ZRANB1: variants seen among roughly 807,000 people sequenced by gnomAD.
ZRANB1 encodes the protein ubiquitin thioesterase ZRANB1.
ZRANB1 carries 16 observed loss-of-function variants against 80.5 expected under a neutral mutation model. The observed-to-expected ratio is 0.20, with a 90% CI of 0.13 to 0.30. ZRANB1 has a LOEUF of 0.30. Among genes scored for constraint, ZRANB1 ranks in the 10% least tolerant of loss-of-function variants. ZRANB1 has a pLI of 1.00. For synonymous variants in ZRANB1, 291 were observed against 293.1 expected, an observed-to-expected ratio of 0.99 and a Z score of 0.07; for missense variants, 576 against 862.6, an observed-to-expected ratio of 0.67 and a Z score of 4.16.
chr10:124,955,924 G>A (rs944591633), intron 1 of ZRANB1, among the ~76,000 whole-genome samples: 1 of 152,118 alleles, frequency 6.6e-6, no homozygotes, highest in Non-Finnish European at 1.5e-5. Flanking sequence ...CCTGACACCT[G>A]TGATAAAAAG....
chr10:124,952,391 C>T (rs573072431), intron 1 of ZRANB1, among the ~76,000 whole-genome samples: 2 of 152,210 alleles, frequency 1.3e-5, no homozygotes, highest in East Asian at 1.9e-4. Flanking sequence ...GCAAGGAATG[C>T]CAGCAGCCTC....
At chr10:124,923,999 C>A in the ZRANB1 span, among the ~76,000 whole-genome samples, 1 of 149,944 alleles carries the variant, frequency 6.7e-6, no homozygotes, top group Admixed American at 6.6e-5. Context: ...AACTGTCCCT[C>A]TCACTCCTGA....
chr10:124,950,290 A>G (rs537796834), intron 1 of ZRANB1, among the ~76,000 whole-genome samples: 152 of 151,548 alleles, frequency 1.0e-3, no homozygotes, highest in Non-Finnish European at 1.9e-3. Context: ...ACGCCTGGCT[A>G]ATTTTGCATT....
intron 1 of ZRANB1, among the ~76,000 whole-genome samples, chr10:124,963,916 T>C (rs1487549414): frequency 6.6e-6 from 1 of 152,238 alleles, no homozygotes; most frequent in Non-Finnish European, 1.5e-5. Context: ...CTTTTAGATA[T>C]TATTTTTTAC....
At chr10:124,941,772 T>C (rs1951538176), upstream of ZRANB1, among the ~76,000 whole-genome samples, 1 of 152,226 alleles carries the variant, frequency 6.6e-6, no homozygotes, top group South Asian at 2.1e-4. Context: ...ACAGATTTAA[T>C]TTTCCCCAGT....
chr10:124,976,838 C>T (rs1951880622), intron 5 of ZRANB1, among the ~76,000 whole-genome samples: 1 of 151,796 alleles, frequency 6.6e-6, no homozygotes, highest in African/African-American at 2.4e-5. Flanking sequence ...TCCCAAAGTG[C>T]TAGGATTACA....
chr10:124,961,668 T>G (rs1951735799), intron 1 of ZRANB1, among the ~76,000 whole-genome samples: 1 of 152,270 alleles, frequency 6.6e-6, no homozygotes, highest in Non-Finnish European at 1.5e-5. Context: ...TGACATAGTT[T>G]GTCACAACTT....
the ZRANB1 span, among the ~76,000 whole-genome samples, chr10:124,931,380 T>C: frequency 6.6e-6 from 1 of 152,148 alleles, no homozygotes; most frequent in African/African-American, 2.4e-5. Flanking sequence ...TCCGTTATTA[T>C]TATTTTTTGA....
upstream of ZRANB1, among the ~76,000 whole-genome samples, chr10:124,939,054 G>A (rs1164944881): frequency 1.3e-5 from 2 of 152,098 alleles, no homozygotes; most frequent in Admixed American, 1.3e-4. Context: ...GGATGCGCCT[G>A]TGGTCCCAGC....
intron 1 of ZRANB1, chr10:124,945,333 T>A (rs1318988275): frequency 6.6e-6 from 1 of 152,156 alleles, no homozygotes; most frequent in Admixed American, 6.5e-5. Flanking sequence ...ATGGAATCTT[T>A]ACATATCTGT....
intron 1 of ZRANB1, among the ~76,000 whole-genome samples, chr10:124,958,220 C>T (rs1951702429): frequency 6.6e-6 from 1 of 152,210 alleles, no homozygotes; most frequent in South Asian, 2.1e-4. Flanking sequence ...CAACTTGCGA[C>T]TAGCATGTGC....
In ZRANB1 at chr10:124,987,354, G is replaced by A. The variant is rs1952077598; in HGVS notation, c.*2362G>A. The A allele has an allele frequency of 6.8e-6, 1 of 147,366 alleles. No individual in the cohort carries two copies. The highest frequency in any genetic ancestry group is 1.5e-5 in the Non-Finnish European group (1 of 67,322). 9.1% of individuals were successfully genotyped at this position (147,366 alleles called of 1,614,324 possible). On this transcript the variant is annotated 3_prime_UTR_variant, in exon 9 of 9. Coordinates refer to ENST00000359653, the MANE Select transcript of ZRANB1 (RefSeq NM_017580.3). ...TTTGTTTTGACTTGTTCTTCCTTGGGGTCAAATTTATATATATATATATAA... is the reference window on the plus strand; with the variant it reads ...TTTGTTTTGACTTGTTCTTCCTTGGAGTCAAATTTATATATATATATATAA...
intron 1 of ZRANB1, among the ~76,000 whole-genome samples, chr10:124,958,955 G>A (rs951708321): frequency 2.0e-5 from 3 of 152,232 alleles, no homozygotes; most frequent in South Asian, 2.1e-4. Flanking sequence ...GGATTACAGC[G>A]GCGAGCCTTG....
intron 1 of ZRANB1, among the ~76,000 whole-genome samples, chr10:124,960,179 G>T (rs1381281230): frequency 6.6e-6 from 1 of 152,116 alleles, no homozygotes; most frequent in South Asian, 2.1e-4. Context: ...TGCTTGTGGG[G>T]CTGTGAGTGT....
At chr10:124,929,613 C>G in the ZRANB1 span, among the ~76,000 whole-genome samples, 1 of 149,608 alleles carries the variant, frequency 6.7e-6, no homozygotes, top group South Asian at 2.2e-4. Context: ...GCTGGGATTA[C>G]AAGTGTGAGC....
intron 1 of ZRANB1, among the ~76,000 whole-genome samples, chr10:124,959,676 T>G (rs769371290): frequency 2.0e-5 from 3 of 152,116 alleles, no homozygotes; most frequent in Non-Finnish European, 4.4e-5. Context: ...CCCAGGCTGG[T>G]CTTGAACTGC....
intron 1 of ZRANB1, among the ~76,000 whole-genome samples, chr10:124,944,578 T>A (rs973275986): frequency 1.5e-5 from 2 of 137,244 alleles, no homozygotes; most frequent in African/African-American, 5.4e-5. Flanking sequence ...CTCAACCTCC[T>A]GGGTTCAAGT....
intron 1 of ZRANB1, among the ~76,000 whole-genome samples, chr10:124,958,430 A>T (rs74592524): frequency 6.6e-6 from 1 of 152,346 alleles, no homozygotes; most frequent in East Asian, 1.9e-4. Flanking sequence ...AAAGCAGACT[A>T]TATGCATTGT....
At chr10:124,934,907 T>C in the ZRANB1 span, among the ~76,000 whole-genome samples, 2 of 152,108 alleles carry the variant, frequency 1.3e-5, no homozygotes, top group East Asian at 1.9e-4. Context: ...ACAAAGAAGT[T>C]TGAGGAAGAA....
Sources: allele counts gnomAD v4.1 joint callset (sites outside exome capture counted in the v4.1 genomes callset), GRCh38; gene constraint gnomAD v4.1.1; transcripts MANE v1.5; gene names NCBI Gene and HGNC (gene_info 2026-07-23, HGNC 2026-07-21).